Variants in DGKE observed in about 807,000 individuals in gnomAD.
DGKE encodes the protein diacylglycerol kinase epsilon.
DGKE carries 53 observed loss-of-function variants against 70.0 expected under a neutral mutation model. That is an observed-to-expected ratio of 0.76 (90% confidence interval 0.61 to 0.95). The LOEUF (loss-of-function observed/expected upper bound fraction) is 0.95, where lower values mean the gene tolerates loss of function less well. Ranked by LOEUF, DGKE falls within the 40% of genes least tolerant of loss-of-function variation. The pLI is 0.00. For missense variants in DGKE, 655 were observed against 706.9 expected, an observed-to-expected ratio of 0.93 and a Z score of 0.83; for synonymous variants, 291 against 257.0, an observed-to-expected ratio of 1.13 and a Z score of -1.27.
rs750403570 is a variant in DGKE at position 56,862,232 on chromosome 17, G to A, written c.1505G>A (p.Gly502Glu). The change falls in exon 11 of 12, where the codon GGA (glycine) becomes GAA (glutamate). Residue 502 changes from glycine to glutamate, a missense_variant. Physicochemically the swap from Gly to Glu is moderately conservative, Grantham distance 98. Coordinates refer to ENST00000284061, the MANE Select transcript of DGKE (RefSeq NM_003647.3). Reference protein sequence around the residue: ...QVKLANPFRIGQAHTVRLILK... With the variant: ...QVKLANPFRIEQAHTVRLILK... ...AAACTGGCTAATCCTTTTCGAATAG[G>A]ACAGGCACATACAGTGAGGGTAGGT... is the stretch of plus-strand genomic sequence containing the variant. 4 of 1,614,000 alleles carry A rather than the reference G, an allele frequency of 2.5e-6. No homozygotes were observed. The South Asian group carries it at 4.4e-5, about 18-fold the overall frequency.
Position 56,845,700 on chromosome 17 carries a change from A to T in DGKE, c.635A>T (p.Lys212Met), listed in dbSNP as rs1238542643. 8 of 1,608,614 alleles carry T rather than the reference A, an allele frequency of 5.0e-6. No individual in the cohort carries two copies. Among genetic ancestry groups the T allele is most frequent in the Non-Finnish European group, 6.8e-6 (8 of 1,178,020 alleles). Residue 212 changes from lysine (K) to methionine (M), a missense_variant, in exon 4 of 12, where the codon AAG (lysine) becomes ATG (methionine). Physicochemically the swap from Lys to Met is moderately conservative, Grantham distance 95. Coordinates refer to ENST00000284061, the MANE Select transcript of DGKE (RefSeq NM_003647.3). ...GGCAATTTTTTTTAGCTAGCCTCTA[A>T]GCTTGGAAAGCAGTGGACCCCATTA... ...KKTDYEVLASKLGKQWTPLII... is the reference protein window; with the variant it reads ...KKTDYEVLASMLGKQWTPLII...
chr17:56,853,982 TAA>T (rs762786931), intron 7 of DGKE, among the ~76,000 whole-genome samples: 10 of 136,392 alleles, frequency 7.3e-5, no homozygotes, highest in South Asian at 2.3e-4. Context: ...ATTCAGACTT[TAA>T]AAAAAAAAAA....
In DGKE at chr17:56,855,463, A is replaced by G. The variant is rs149097090; in HGVS notation, c.1099-1049A>G. Among the ~76,000 whole-genome samples the G allele has an allele frequency of 2.9e-3, 441 of 152,324 alleles. 6 individuals are homozygous for G. Among genetic ancestry groups the G allele is most frequent in the African/African-American group, 9.8e-3 (408 of 41,570 alleles). On this transcript the variant is annotated intron_variant, in intron 7 of 11. Coordinates refer to ENST00000284061, the MANE Select transcript of DGKE (RefSeq NM_003647.3). ...ACTTTTTTCAGTGAGGCAAGAATCAAGATCATCTGAACATAACAAAGGCAG... is the reference window on the plus strand; with the variant it reads ...ACTTTTTTCAGTGAGGCAAGAATCAGGATCATCTGAACATAACAAAGGCAG...
In DGKE at chr17:56,863,935, A is replaced by G. The variant is rs1485535717; in HGVS notation, c.*1144A>G. 1 of 152,254 alleles carries G rather than the reference A, an allele frequency of 6.6e-6. No individual in the cohort carries two copies. The highest frequency in any genetic ancestry group is 1.5e-5 in the Non-Finnish European group (1 of 68,040). The allele number at this position is 152,254 out of a possible 1,614,324, so 9.4% of individuals were successfully genotyped here. ...TCACAATCAGATAGAAATTTAGTCT[A>G]TTAATTAAAATTCTAATTTAATTCT... On this transcript the variant is annotated 3_prime_UTR_variant, in exon 12 of 12. Coordinates refer to ENST00000284061, the MANE Select transcript of DGKE (RefSeq NM_003647.3).
chr17:56,865,339 C>T lies in DGKE; in HGVS notation c.*2548C>T, dbSNP rs990747273. On this transcript the variant is annotated 3_prime_UTR_variant, in exon 12 of 12. Transcript: ENST00000284061. ...AAATACATGAAGTAAATCATATCTC[C>T]ATGTCTGTTTCCAGATTTCTCTAAT... The T allele has an allele frequency of 6.6e-6, 1 of 152,084 alleles. No individual in the cohort carries two copies. Among genetic ancestry groups the T allele is most frequent in the African/African-American group, 2.4e-5 (1 of 41,428 alleles). 9.4% of individuals were successfully genotyped at this position (152,084 alleles called of 1,614,324 possible).
chr17:56,849,698 AG>A (rs1443990236), intron 7 of DGKE, among the ~76,000 whole-genome samples: 1 of 152,256 alleles, frequency 6.6e-6, no homozygotes, highest in Non-Finnish European at 1.5e-5. Flanking sequence ...ACAACTGATT[AG>A]TATAAAGGGG....
intron 9 of DGKE, among the ~76,000 whole-genome samples, chr17:56,859,274 A>G (rs35282812): frequency 0.71 from 106,389 of 150,442 alleles, 38,012 homozygotes; most frequent in East Asian, 0.91. Context: ...GCAGTGAGCC[A>G]AGATCGCGAC....
At chr17:56,849,004 TTATG>T (rs1489259170) in intron 6 of DGKE, 151 bp downstream of exon 6, 1 of 1,302,344 alleles carries the variant, frequency 7.7e-7, no homozygotes, top group East Asian at 2.5e-5. Flanking sequence ...TTTTGTTTTA[TTATG>T]TAAGAGCCGA....
chr17:56,848,038 G>A lies in DGKE; in HGVS notation c.861G>A (p.Leu287=). ...CGGDGTVGWV[L]DAVDDMKIKG... is the part of the protein sequence containing the mutation. ...GGGATGGGACTGTAGGGTGGGTCCT[G>A]GATGCAGTTGATGACATGAAGATTA... is the stretch of plus-strand genomic sequence containing the variant. The change falls in exon 5 of 12, where the codon CTG becomes CTA. Residue 287 remains leucine, a synonymous_variant. Transcript: ENST00000284061. The A allele has an allele frequency of 6.3e-7, 1 of 1,577,798 alleles. No individual in the cohort carries two copies. Among genetic ancestry groups the A allele is most frequent in the Non-Finnish European group, 8.6e-7 (1 of 1,163,100 alleles).
Position 56,862,815 on chromosome 17 carries a change from G to A in DGKE, c.*24G>A. The A allele has an allele frequency of 6.7e-7, 1 of 1,496,112 alleles. No homozygotes were observed. The allele number at this position is 1,496,112 out of a possible 1,614,324, so 92.7% of individuals were successfully genotyped here. ...AGATGGATGAGGGAGTGAAAACTTT[G>A]CATAGAATCCTCACGCAAGTAGATA... On this transcript the variant is annotated 3_prime_UTR_variant, in exon 12 of 12. Coordinates refer to ENST00000284061, the MANE Select transcript of DGKE (RefSeq NM_003647.3).
At chr17:56,856,237 T>C (rs1369273943) in intron 7 of DGKE, among the ~76,000 whole-genome samples, 1 of 152,064 alleles carries the variant, frequency 6.6e-6, no homozygotes, top group African/African-American at 2.4e-5. Context: ...ATGAAAAGCC[T>C]GGAAGCATCA....
chr17:56,845,758 T>C lies in DGKE; in HGVS notation c.693T>C (p.Asn231=). The change falls in exon 4 of 12, where the codon AAT becomes AAC. Residue 231 remains asparagine, a synonymous_variant. Coordinates refer to ENST00000284061, the MANE Select transcript of DGKE (RefSeq NM_003647.3). ...IILANSRSGT[N]MGEGLLGEFR... ...TGGCCAACTCTCGTAGTGGAACTAA[T>C]ATGGGAGAAGGACTGTTGGGAGAAT... 6.2e-7 allele frequency: 1 copy of C among 1,612,782 alleles called. No individual in the cohort carries two copies. Among genetic ancestry groups the C allele is most frequent in the East Asian group, 2.2e-5 (1 of 44,760 alleles).
chr17:56,844,262 A>G (rs1907159080), intron 3 of DGKE, 84 bp downstream of exon 3: 5 of 887,878 alleles, frequency 5.6e-6, no homozygotes, highest in Non-Finnish European at 7.9e-6. Flanking sequence ...ACAGTATGTA[A>G]GAAGAATTGG....
In DGKE at chr17:56,862,791, G is replaced by C; in HGVS notation, c.1704G>C (p.Ter568TyrextTer34). The C allele has an allele frequency of 6.5e-7, 1 of 1,549,512 alleles. No homozygotes were observed. The highest frequency in any genetic ancestry group is 1.2e-5 in the South Asian group (1 of 80,070). ...AAGAAGATATAAAGGCGACTGAATA[G>C]ATGGATGAGGGAGTGAAAACTTTGC... Reference protein sequence around the residue: ...SDQEDIKATE* With the variant: ...SDQEDIKATEY The change falls in exon 12 of 12, where the codon TAG (stop) becomes TAC (tyrosine). Residue 568 changes from the stop codon to tyrosine (Y), a stop_lost. Transcript: ENST00000284061.
chr17:56,867,554 G>C lies in DGKE; in HGVS notation c.*4763G>C, dbSNP rs963400846. Reference sequence around the variant, plus strand: ...GGCGGCAGAGCTTGCAGTGAGCGGAGATCACATGACTGCACTCCAGCCTGG... The same window carrying C: ...GGCGGCAGAGCTTGCAGTGAGCGGACATCACATGACTGCACTCCAGCCTGG... On this transcript the variant is annotated 3_prime_UTR_variant, in exon 12 of 12. Coordinates refer to ENST00000284061, the MANE Select transcript of DGKE (RefSeq NM_003647.3). The C allele has an allele frequency of 6.6e-6, 1 of 151,372 alleles. No individual in the cohort carries two copies. The highest frequency in any genetic ancestry group is 2.4e-5 in the African/African-American group (1 of 41,042). The allele number at this position is 151,372 out of a possible 1,614,324, so 9.4% of individuals were successfully genotyped here.
chr17:56,848,834 G>A lies in DGKE; in HGVS notation c.1027G>A (p.Asp343Asn), dbSNP rs1405183242. The A allele has an allele frequency of 6.2e-7, 1 of 1,614,200 alleles. No homozygotes were observed. The highest frequency in any genetic ancestry group is 1.1e-5 in the South Asian group (1 of 91,090). The change falls in exon 6 of 12, where the codon GAT becomes AAT. Residue 343 changes from aspartate (D) to asparagine (N), a missense_variant. Physicochemically the swap from Asp to Asn is conservative, Grantham distance 23. Coordinates refer to ENST00000284061, the MANE Select transcript of DGKE (RefSeq NM_003647.3). ...AQVLRNVMEA[D>N]GIKLDRWKVQ... ...GGTTTTGCGAAATGTAATGGAAGCA[G>A]ATGGAATTAAACTAGATCGGTAAGT...
chr17:56,858,572 A>G, intron 8 of DGKE, 22 bp from the exon 9 acceptor site: 1 of 1,572,256 alleles, frequency 6.4e-7, no homozygotes, highest in Non-Finnish European at 8.7e-7. Flanking sequence ...TTAATATTAT[A>G]TTTTCTGTCC....
At chr17:56,840,047 C>G (rs1906872256) in intron 2 of DGKE, among the ~76,000 whole-genome samples, 1 of 151,968 alleles carries the variant, frequency 6.6e-6, no homozygotes, top group Non-Finnish European at 1.5e-5. Flanking sequence ...GCCTGTAATC[C>G]CAGCTACTCG....
intron 2 of DGKE, 44 bp from the exon 3 acceptor site, chr17:56,843,974 AT>A: frequency 6.7e-7 from 1 of 1,498,858 alleles, no homozygotes; most frequent in South Asian, 1.3e-5. Flanking sequence ...TATCATTGAG[AT>A]TATGGTTTAA....
Sources: gnomAD v4.1 joint callset for allele counts (sites outside exome capture counted in the v4.1 genomes callset) on GRCh38, gnomAD v4.1.1 for gene constraint, MANE v1.5 for transcripts, NCBI Gene and HGNC (gene_info 2026-07-23, HGNC 2026-07-21) for gene names.